The following TAFA1 variants were observed in gnomAD, a reference collection of about 807,000 sequenced individuals.
TAFA1 encodes the protein TAFA chemokine like family member 1.
In TAFA1, 4 loss-of-function variants were observed where a neutral mutation model predicts 18.5. The observed-to-expected ratio is 0.22, with a 90% CI of 0.11 to 0.49. TAFA1 has a LOEUF of 0.49. Ranked by LOEUF, TAFA1 falls within the 20% of genes least tolerant of loss-of-function variation. The pLI is 0.98. For synonymous variants in TAFA1, 56 were observed against 55.2 expected (o/e 1.01, Z -0.06); for missense variants, 147 against 169.0 (o/e 0.87, Z 0.72).
intron 2 of TAFA1, among the ~76,000 whole-genome samples, chr3:68,085,743 G>T (rs527409734): frequency 1.3e-5 from 2 of 152,280 alleles, no homozygotes; most frequent in African/African-American, 2.4e-5. Flanking sequence ...GAACTACCTA[G>T]CCACTCAGAG....
chr3:68,018,360 G>A (rs1054982627), intron 2 of TAFA1, among the ~76,000 whole-genome samples: 4 of 152,166 alleles, frequency 2.6e-5, no homozygotes, highest in African/African-American at 7.2e-5. Flanking sequence ...GCAATGAAAG[G>A]CAAGATGTGT....
intron 2 of TAFA1, among the ~76,000 whole-genome samples, chr3:68,403,010 G>A (rs1055070877): frequency 6.6e-6 from 1 of 152,096 alleles, no homozygotes; most frequent in Non-Finnish European, 1.5e-5. Flanking sequence ...AGATAACATG[G>A]TATAATACCA....
intron 3 of TAFA1, among the ~76,000 whole-genome samples, chr3:68,479,260 AT>A (rs953442476): frequency 6.8e-6 from 1 of 147,976 alleles, no homozygotes; most frequent in African/African-American, 2.5e-5. Flanking sequence ...ATATATATAT[AT>A]ATGTCTGTAC....
At chr3:68,168,799 G>C (rs1035603535) in intron 2 of TAFA1, among the ~76,000 whole-genome samples, 2 of 152,098 alleles carry the variant, frequency 1.3e-5, no homozygotes, top group Non-Finnish European at 2.9e-5. Context: ...ATAGACAATT[G>C]CTTTTTGATT....
chr3:68,387,710 C>T (rs1410695613), intron 2 of TAFA1, among the ~76,000 whole-genome samples: 1 of 152,076 alleles, frequency 6.6e-6, no homozygotes, highest in East Asian at 1.9e-4. Context: ...CAATTCTCTG[C>T]TGTAGTCAAA....
At chr3:68,323,639 C>T (rs1374417997) in intron 2 of TAFA1, among the ~76,000 whole-genome samples, 6 of 152,084 alleles carry the variant, frequency 3.9e-5, no homozygotes, top group South Asian at 2.1e-4. Flanking sequence ...GGAAGAATAG[C>T]CAACAGTCAG....
At chr3:68,415,200 A>G (rs957732751) in intron 2 of TAFA1, among the ~76,000 whole-genome samples, 9 of 151,836 alleles carry the variant, frequency 5.9e-5, no homozygotes, top group Non-Finnish European at 1.3e-4. Flanking sequence ...TACTTCTCCA[A>G]CTCCTCCTGC....
chr3:68,526,960 T>C (rs2073118932), intron 3 of TAFA1, among the ~76,000 whole-genome samples: 1 of 152,176 alleles, frequency 6.6e-6, no homozygotes, highest in Non-Finnish European at 1.5e-5. Context: ...AAATAAACTT[T>C]AGGGTCACTC....
intron 3 of TAFA1, among the ~76,000 whole-genome samples, chr3:68,507,448 G>A (rs1268643097): frequency 6.6e-6 from 1 of 152,020 alleles, no homozygotes; most frequent in East Asian, 1.9e-4. Flanking sequence ...TTACCAGGTT[G>A]TCAGATCAGG....
chr3:68,506,938 G>A (rs1041882585), intron 3 of TAFA1, among the ~76,000 whole-genome samples: 1 of 151,590 alleles, frequency 6.6e-6, no homozygotes, highest in Admixed American at 6.6e-5. Flanking sequence ...TGGGCTGGAA[G>A]GGTGTTTATT....
chr3:68,417,506 A>G, intron 3 of TAFA1, 86 bp downstream of exon 3: 1 of 1,302,642 alleles, frequency 7.7e-7, no homozygotes, highest in Non-Finnish European at 1.1e-6. Flanking sequence ...ATATGGTTCC[A>G]GATAATGAAC....
At chr3:68,215,384 A>G (rs1300083749) in intron 2 of TAFA1, among the ~76,000 whole-genome samples, 2 of 152,064 alleles carry the variant, frequency 1.3e-5, no homozygotes, top group Non-Finnish European at 2.9e-5. Context: ...CTGAAAAAAT[A>G]AAGTATATAA....
intron 2 of TAFA1, among the ~76,000 whole-genome samples, chr3:68,047,299 C>A (rs1288019987): frequency 2.0e-5 from 3 of 152,034 alleles, no homozygotes; most frequent in Non-Finnish European, 4.4e-5. Flanking sequence ...ATACCTGGCC[C>A]CAGATATGAA....
intron 2 of TAFA1, among the ~76,000 whole-genome samples, chr3:68,055,962 C>T (rs76617699): frequency 6.6e-6 from 1 of 152,082 alleles, no homozygotes; most frequent in Non-Finnish European, 1.5e-5. Context: ...CCATACTGAA[C>T]CCTGGGTTGG....
At chr3:68,276,547 TC>T (rs35495781) in intron 2 of TAFA1, among the ~76,000 whole-genome samples, 1 of 152,212 alleles carries the variant, frequency 6.6e-6, no homozygotes, top group Non-Finnish European at 1.5e-5. Flanking sequence ...GATAAATATG[TC>T]CCCTGAGTTG....
At chr3:68,087,517 T>G (rs2064984647) in intron 2 of TAFA1, among the ~76,000 whole-genome samples, 2 of 139,468 alleles carry the variant, frequency 1.4e-5, no homozygotes, top group Non-Finnish European at 3.1e-5. Flanking sequence ...CTTCCCTCCC[T>G]TCCTTCCTCC....
intron 3 of TAFA1, among the ~76,000 whole-genome samples, chr3:68,511,239 G>T: frequency 6.6e-6 from 1 of 152,060 alleles, no homozygotes; most frequent in Non-Finnish European, 1.5e-5. Flanking sequence ...AATAAATATG[G>T]AAATAAGGCT....
chr3:68,451,628 A>G (rs941459091), intron 3 of TAFA1, among the ~76,000 whole-genome samples: 5 of 151,960 alleles, frequency 3.3e-5, no homozygotes, highest in African/African-American at 7.3e-5. Context: ...GATTTTGGGG[A>G]AAAAAAAGTA....
chr3:68,159,381 T>A (rs2065900031), intron 2 of TAFA1, among the ~76,000 whole-genome samples: 1 of 152,170 alleles, frequency 6.6e-6, no homozygotes, highest in Admixed American at 6.5e-5. Flanking sequence ...TTCTTCGTGG[T>A]ATTAACGGGA....
Sources: allele counts gnomAD v4.1 joint callset (sites outside exome capture counted in the v4.1 genomes callset), GRCh38; gene constraint gnomAD v4.1.1; transcripts MANE v1.5; gene names NCBI Gene and HGNC (gene_info 2026-07-23, HGNC 2026-07-21).